Variants in TNFRSF11B observed in about 807,000 individuals in gnomAD.
TNFRSF11B encodes the protein tumor necrosis factor receptor superfamily member 11B.
Under a neutral mutation model 43.4 loss-of-function variants are expected in TNFRSF11B, and 16 were observed. That is an observed-to-expected ratio of 0.37 (90% CI 0.25 to 0.56). The LOEUF is 0.56. Among genes scored for constraint, TNFRSF11B ranks in the 20% least tolerant of loss-of-function variants. The pLI, the probability that TNFRSF11B is intolerant of heterozygous loss-of-function variation, is 0.80. For missense variants in TNFRSF11B, 444 were observed against 490.1 expected (o/e 0.91, Z 0.89); for synonymous variants, 185 against 181.8 (o/e 1.02, Z -0.14).
At chr8:118,926,843 C>T (rs1478899727) in intron 3 of TNFRSF11B, 125 bp from the exon 4 acceptor site, 24 of 986,154 alleles carry the variant, frequency 2.4e-5, no homozygotes, top group African/African-American at 4.9e-5. Flanking sequence ...TGCTAAAATG[C>T]AAAGTTTGAA....
At chr8:118,933,962 A>G (rs1812367127) in intron 1 of TNFRSF11B, among the ~76,000 whole-genome samples, 1 of 152,216 alleles carries the variant, frequency 6.6e-6, no homozygotes, top group Non-Finnish European at 1.5e-5. Context: ...AGAGGAGTAA[A>G]AATAATACAT....
At chr8:118,930,739 A>G (rs920910075) in intron 2 of TNFRSF11B, 19 of 452,410 alleles carry the variant, frequency 4.2e-5, no homozygotes, top group Non-Finnish European at 8.5e-5. Flanking sequence ...CTTCAGATAC[A>G]TATCTGTGGC....
chr8:118,937,461 C>T (rs1305751437), intron 1 of TNFRSF11B, among the ~76,000 whole-genome samples: 5 of 152,158 alleles, frequency 3.3e-5, no homozygotes, highest in African/African-American at 1.2e-4. Context: ...TTATGCTTTT[C>T]CTCTAGCAAG....
At chr8:118,948,685 C>T (rs777728100) in intron 1 of TNFRSF11B, among the ~76,000 whole-genome samples, 5 of 151,884 alleles carry the variant, frequency 3.3e-5, no homozygotes, top group African/African-American at 1.2e-4. Flanking sequence ...AACGTTGCTA[C>T]GGACAGGGAT....
chr8:118,926,363 T>C, intron 4 of TNFRSF11B, 131 bp downstream of exon 4: 1 of 896,444 alleles, frequency 1.1e-6, no homozygotes, highest in Non-Finnish European at 1.7e-6. Context: ...TGGAAACTTT[T>C]TCAGTCCAAC....
intron 1 of TNFRSF11B, among the ~76,000 whole-genome samples, 190 bp downstream of exon 1, chr8:118,951,602 G>A (rs1812646758): frequency 6.6e-6 from 1 of 152,184 alleles, no homozygotes; most frequent in Non-Finnish European, 1.5e-5. Flanking sequence ...GAACTTTGCA[G>A]CGTAAAAGGA....
At chr8:118,932,578 G>T (rs1484175734) in intron 2 of TNFRSF11B, among the ~76,000 whole-genome samples, 1 of 151,716 alleles carries the variant, frequency 6.6e-6, no homozygotes, top group Non-Finnish European at 1.5e-5. Context: ...GTCAAAAAGT[G>T]CTGCAGTTTG....
intron 2 of TNFRSF11B, 113 bp downstream of exon 2, chr8:118,932,818 C>A: frequency 1.4e-6 from 2 of 1,418,502 alleles, no homozygotes; most frequent in East Asian, 2.3e-5. Flanking sequence ...GGTTTCATTA[C>A]CTTTGCAATT....
At chr8:118,926,427 G>A (rs576359830) in intron 4 of TNFRSF11B, 67 bp downstream of exon 4, 2 of 1,386,532 alleles carry the variant, frequency 1.4e-6, no homozygotes, top group Non-Finnish European at 1.0e-6. Context: ...ATGCAGTCTT[G>A]TTCCTGGTTT....
rs149349985 is a variant in TNFRSF11B at position 118,932,955 on chromosome 8, G to T, written c.376C>A (p.Pro126Thr). The T allele has an allele frequency of 3.7e-6, 6 of 1,614,080 alleles. No homozygotes were observed. The highest frequency in any genetic ancestry group is 1.3e-5 in the African/African-American group (1 of 74,948). ...EFCLKHRSCP[P>T]GFGVVQAGTP... ...CCAGCTTGCACCACTCCAAATCCAG[G>T]AGGGCAGCTCCTATGTTTCAAGCAG... The change falls in exon 2 of 5, where the codon CCT becomes ACT. Residue 126 changes from proline to threonine, a missense_variant. By Grantham distance (38) the Pro-to-Thr change is conservative. Coordinates refer to ENST00000297350, the MANE Select transcript of TNFRSF11B (RefSeq NM_002546.4).
intron 1 of TNFRSF11B, among the ~76,000 whole-genome samples, chr8:118,940,377 T>TGGG (rs1812470747): frequency 6.6e-6 from 1 of 152,210 alleles, no homozygotes; most frequent in Non-Finnish European, 1.5e-5. Flanking sequence ...GTGCACAGCT[T>TGGG]GGCAATTTGG....
At chr8:118,938,989 C>T (rs1759364268) in intron 1 of TNFRSF11B, among the ~76,000 whole-genome samples, 1 of 152,108 alleles carries the variant, frequency 6.6e-6, no homozygotes, top group South Asian at 2.1e-4. Flanking sequence ...TTTGGGAGTT[C>T]CTTTTGTGAT....
At chr8:118,928,259 T>A (rs2129885821) in intron 3 of TNFRSF11B, among the ~76,000 whole-genome samples, 1 of 148,782 alleles carries the variant, frequency 6.7e-6, no homozygotes, top group Non-Finnish European at 1.5e-5. Context: ...TGACCTCAAG[T>A]GATCTGCCTA....
chr8:118,928,899 C>CT lies in TNFRSF11B; in HGVS notation c.430dup (p.Arg144LysfsTer10). ...ATTTGAGAAGAACCCATCTGGACAT[C>CT]TTTTGCAAACTGTATTTCGCTCTGG... On this transcript the variant is annotated frameshift_variant, in exon 3 of 5. Coordinates refer to ENST00000297350, the MANE Select transcript of TNFRSF11B (RefSeq NM_002546.4). LOFTEE classifies it high-confidence loss of function. The CT allele has an allele frequency of 6.2e-7, 1 of 1,614,164 alleles. No individual in the cohort carries two copies. The highest frequency in any genetic ancestry group is 2.2e-5 in the East Asian group (1 of 44,870).
At chr8:118,938,769 T>G (rs2129908222) in intron 1 of TNFRSF11B, among the ~76,000 whole-genome samples, 1 of 152,328 alleles carries the variant, frequency 6.6e-6, no homozygotes, top group East Asian at 1.9e-4. Flanking sequence ...CACAACTAAT[T>G]TGACTAGAGA....
At chr8:118,940,566 C>T (rs879348652) in intron 1 of TNFRSF11B, among the ~76,000 whole-genome samples, 1 of 152,082 alleles carries the variant, frequency 6.6e-6, no homozygotes, top group Non-Finnish European at 1.5e-5. Flanking sequence ...TGAAGGGACA[C>T]AAACATGGTA....
chr8:118,942,243 C>G (rs58228498), intron 1 of TNFRSF11B, among the ~76,000 whole-genome samples: 1 of 103,084 alleles, frequency 9.7e-6, no homozygotes, highest in Admixed American at 1.1e-4. Flanking sequence ...GACAGGCCCC[C>G]CCGTGTGTGA....
At chr8:118,927,874 G>A (rs1812268212) in intron 3 of TNFRSF11B, among the ~76,000 whole-genome samples, 2 of 152,070 alleles carry the variant, frequency 1.3e-5, no homozygotes, top group Non-Finnish European at 2.9e-5. Flanking sequence ...TCACTACCGT[G>A]GAATGCATTC....
In TNFRSF11B at chr8:118,946,468, C is replaced by T. The variant is rs571495971; in HGVS notation, c.30+5324G>A. On this transcript the variant is annotated intron_variant, in intron 1 of 4. Coordinates refer to ENST00000297350, the MANE Select transcript of TNFRSF11B (RefSeq NM_002546.4). ...CTAATTACATGTCACATAAAAACAC[C>T]GTCCTTGTATCTATTTCAAGTTGGC... Among the ~76,000 whole-genome samples the T allele has an allele frequency of 4.6e-5, 7 of 152,206 alleles. No individual in the cohort carries two copies. In the East Asian group the frequency reaches 5.8e-4, roughly 13 times the overall value.
Sources: allele counts gnomAD v4.1 joint callset (sites outside exome capture counted in the v4.1 genomes callset), GRCh38; gene constraint gnomAD v4.1.1; transcripts MANE v1.5; gene names NCBI Gene and HGNC (gene_info 2026-07-23, HGNC 2026-07-21).